Variants in SYNJ1 observed in about 807,000 individuals in gnomAD.
SYNJ1 encodes polyphosphatidylinositol phosphatase SYNJ1.
In SYNJ1, 78 loss-of-function variants were observed where a neutral mutation model predicts 168.2. The observed-to-expected ratio is 0.46, with a 90% CI of 0.39 to 0.56. The LOEUF is 0.56. SYNJ1 is among the 20% of genes least tolerant of loss of function. SYNJ1 has a pLI of 0.00. For missense variants in SYNJ1, 1,303 were observed against 1,597.6 expected (o/e 0.82, Z 3.14); for synonymous variants, 539 against 548.6 (o/e 0.98, Z 0.24).
intron 2 of SYNJ1, among the ~76,000 whole-genome samples, chr21:32,708,187 T>C (rs1228114481): frequency 6.6e-6 from 1 of 152,214 alleles, no homozygotes; most frequent in African/African-American, 2.4e-5. Flanking sequence ...AAATGGTTGC[T>C]AACTAGGGTT....
Position 32,650,337 on chromosome 21 carries a change from G to A in SYNJ1, c.2884C>T (p.Arg962Trp), listed in dbSNP as rs149147152. The A allele has an allele frequency of 3.4e-5, 54 of 1,604,314 alleles. No individual in the cohort carries two copies. The highest frequency in any genetic ancestry group is 7.0e-5 in the Admixed American group (4 of 57,378). ...CTTTTTAAAGCAATAGTTATAGTCCGATTCAATAACTAGCGGAGTAAAAGA... is the reference window on the plus strand; with the variant it reads ...CTTTTTAAAGCAATAGTTATAGTCCAATTCAATAACTAGCGGAGTAAAAGA... ...LSLNGKELLN[R>W]TITIALKSPD... The change falls in exon 23 of 33, where the codon CGG (arginine) becomes TGG (tryptophan). Residue 962 changes from arginine to tryptophan, a missense_variant. By Grantham distance (101) the Arg-to-Trp change is moderately radical (BLOSUM62 -3). Transcript: ENST00000674351.
In SYNJ1 at chr21:32,639,036, G is replaced by A. The variant is rs779188682; in HGVS notation, c.3787C>T (p.Pro1263Ser). 3.7e-6 allele frequency: 6 copies of A among 1,613,958 alleles called. No homozygotes were observed. Among genetic ancestry groups the A allele is most frequent in the Non-Finnish European group, 3.4e-6 (4 of 1,179,954 alleles). Residue 1263 changes from proline (P) to serine (S), a missense_variant, in exon 31 of 33, where the codon CCT (proline) becomes TCT (serine). Pro to Ser is a moderately conservative substitution (Grantham distance 74). Around this residue, in one of 2 missense-constraint regions of SYNJ1, gnomAD observed 383 missense variants for 388.8 expected, o/e 0.99. Transcript: ENST00000674351. Reference sequence around the variant, plus strand: ...ATAGGTGCTGCCACAGGGACAAGAGGCTCTTGCAACCTTTGAGCAGGCGGG... The same window carrying A: ...ATAGGTGCTGCCACAGGGACAAGAGACTCTTGCAACCTTTGAGCAGGCGGG... ...LPPPAQRLQE[P>S]LVPVAAPMPQ... is the part of the protein sequence containing the mutation.
At chr21:32,726,497 T>C (rs2043460720) in intron 2 of SYNJ1, among the ~76,000 whole-genome samples, 1 of 152,164 alleles carries the variant, frequency 6.6e-6, no homozygotes, top group Non-Finnish European at 1.5e-5. Flanking sequence ...ACAATATTTC[T>C]TTGGAAAAAA....
chr21:32,703,923 G>A (rs767914306), intron 2 of SYNJ1, among the ~76,000 whole-genome samples: 4 of 151,798 alleles, frequency 2.6e-5, no homozygotes, highest in African/African-American at 7.3e-5. Context: ...GTTTCTCTAC[G>A]TTGCCCAGGC....
Position 32,634,897 on chromosome 21 carries a change from A to C in SYNJ1, c.3916-13T>G. 1 of 1,613,768 alleles carries C rather than the reference A, an allele frequency of 6.2e-7. No homozygotes were observed. Among genetic ancestry groups the C allele is most frequent in the Non-Finnish European group, 8.5e-7 (1 of 1,179,872 alleles). On this transcript the variant is annotated splice_polypyrimidine_tract_variant and intron_variant, in intron 31 of 32. Transcript: ENST00000674351. ...ATGGTTGCTCCTGCTTTGAGAAAGGAAACAGACATCAAAGGAAAGAGTTAG... is the reference window on the plus strand; with the variant it reads ...ATGGTTGCTCCTGCTTTGAGAAAGGCAACAGACATCAAAGGAAAGAGTTAG...
chr21:32,673,475 T>C lies in SYNJ1; in HGVS notation c.1591A>G (p.Lys531Glu). 1 of 1,613,510 alleles carries C rather than the reference T, an allele frequency of 6.2e-7. No homozygotes were observed. Among genetic ancestry groups the C allele is most frequent in the Non-Finnish European group, 8.5e-7 (1 of 1,179,730 alleles). The change falls in exon 14 of 33, where the codon AAG becomes GAG. Residue 531 changes from lysine (K) to glutamate (E), a missense_variant. Physicochemically the swap from Lys to Glu is moderately conservative, Grantham distance 56. This residue lies in a region of SYNJ1 where 920 missense variants were observed against 1,208.8 expected (regional missense o/e 0.76). Transcript: ENST00000674351. ...GTTCCGACACATACTCGAATTTTCT[T>C]AGGCTTTGAATATTTGTAGAAATTC... ...CENFYKYSKP[K>E]KIRVCVGTWN...
intron 2 of SYNJ1, among the ~76,000 whole-genome samples, chr21:32,722,206 ATATATATAT>A (rs1279421990): frequency 3.8e-4 from 18 of 46,916 alleles, no homozygotes; most frequent in Middle Eastern, 9.4e-3. Flanking sequence ...AAAAAAAAAA[ATATATATAT>A]ATATATATAT....
In SYNJ1 at chr21:32,695,644, T is replaced by C. The variant is rs530450388; in HGVS notation, c.480-362A>G. 4.1e-5 allele frequency among the ~76,000 whole-genome samples: 6 copies of C among 147,520 alleles called. No homozygotes were observed. In the South Asian group the frequency reaches 1.3e-3, roughly 31 times the overall value. ...TACTTTTTAAAAAAATATTTATTTA[T>C]TTATTTATTTATTTATTTATTTATT... On this transcript the variant is annotated intron_variant, in intron 4 of 32. Coordinates refer to ENST00000674351, the MANE Select transcript of SYNJ1 (RefSeq NM_203446.3).
rs844978 is a variant in SYNJ1 at position 32,646,127 on chromosome 21, C to T, written c.3247+266G>A. 0.53 allele frequency: 349,010 copies of T among 662,608 alleles called. 93,685 individuals carry two copies. The highest frequency in any genetic ancestry group is 0.68 in the African/African-American group (38,166 of 56,152). The allele number at this position is 662,608 out of a possible 1,614,324, so 41.0% of individuals were successfully genotyped here. On this transcript the variant is annotated intron_variant, in intron 24 of 32. Coordinates refer to ENST00000674351, the MANE Select transcript of SYNJ1 (RefSeq NM_203446.3). ...GAGAAGAAAAAGCTCAAATAGTTAA[C>T]GGGTTCATACCATAGAAAATCATCA...
Position 32,699,894 on chromosome 21 carries a change from C to A in SYNJ1, c.423G>T (p.Leu141Phe). 4 of 1,614,082 alleles carry A rather than the reference C, an allele frequency of 2.5e-6. No individual in the cohort carries two copies. The highest frequency in any genetic ancestry group is 3.4e-6 in the Non-Finnish European group (4 of 1,180,004). Residue 141 changes from leucine (L) to phenylalanine (F), a missense_variant, in exon 4 of 33, where the codon TTG becomes TTT. Physicochemically the swap from Leu to Phe is conservative, Grantham distance 22. Transcript: ENST00000674351. ...AWSASGISLD[L>F]SLNAHRSMQE... is the part of the protein sequence containing the mutation. ...GCATGCTACGATGCGCATTAAGACTCAAATCTAAACTGATGCCAGATGCAG... is the reference window on the plus strand; with the variant it reads ...GCATGCTACGATGCGCATTAAGACTAAAATCTAAACTGATGCCAGATGCAG...
chr21:32,659,966 C>T (rs1012870406), intron 18 of SYNJ1, among the ~76,000 whole-genome samples: 12 of 152,208 alleles, frequency 7.9e-5, no homozygotes, highest in African/African-American at 2.2e-4. Flanking sequence ...AGAGCACTTC[C>T]GGGTAGGTAA....
chr21:32,726,769 T>TA lies in SYNJ1; in HGVS notation c.124+2dup. On this transcript the variant is annotated splice_region_variant and intron_variant, in intron 2 of 32. Transcript: ENST00000674351. ...ACAAATTGGGCTCTAACAGATGACT[T>TA]ACAGAGCACAGCGACAGCCCCAGAC... The TA allele has an allele frequency of 1.2e-6, 2 of 1,614,116 alleles. No homozygotes were observed.
chr21:32,661,993 C>T (rs1186211171), intron 18 of SYNJ1, among the ~76,000 whole-genome samples: 2 of 152,176 alleles, frequency 1.3e-5, no homozygotes, highest in Admixed American at 6.5e-5. Flanking sequence ...AGGACTGGAA[C>T]GTAGTCCCTT....
chr21:32,692,394 T>C (rs994940278), intron 6 of SYNJ1, among the ~76,000 whole-genome samples: 2 of 151,920 alleles, frequency 1.3e-5, no homozygotes, highest in Admixed American at 6.6e-5. Flanking sequence ...CTGGTCAATA[T>C]GGTGAAACCC....
intron 9 of SYNJ1, 91 bp downstream of exon 9, chr21:32,685,657 A>T: frequency 1.1e-6 from 1 of 886,412 alleles, no homozygotes; most frequent in Non-Finnish European, 1.5e-6. Flanking sequence ...TATAAACTTT[A>T]ATTTTAAAAA....
intron 2 of SYNJ1, among the ~76,000 whole-genome samples, chr21:32,716,360 C>G (rs1337297175): frequency 6.6e-6 from 1 of 152,142 alleles, no homozygotes; most frequent in African/African-American, 2.4e-5. Flanking sequence ...ATAATTAGCT[C>G]ATATTTTTTC....
intron 11 of SYNJ1, among the ~76,000 whole-genome samples, chr21:32,680,469 AT>A (rs2041577768): frequency 6.6e-6 from 1 of 152,204 alleles, no homozygotes; most frequent in South Asian, 2.1e-4. Flanking sequence ...GTTAAACAAT[AT>A]TTAAGAATAT....
chr21:32,685,029 A>C (rs973336008), intron 9 of SYNJ1, among the ~76,000 whole-genome samples: 9 of 151,788 alleles, frequency 5.9e-5, no homozygotes, highest in Non-Finnish European at 4.4e-5. Context: ...AATACAAAAA[A>C]AAAACAGCCG....
At chr21:32,699,721 G>A (rs1176469842) in intron 4 of SYNJ1, 117 bp downstream of exon 4, 16 of 1,259,570 alleles carry the variant, frequency 1.3e-5, no homozygotes, top group East Asian at 9.7e-5. Context: ...AAGGGGCATC[G>A]AGGGTCTTCA....
Sources: gnomAD v4.1 joint callset for allele counts (sites outside exome capture counted in the v4.1 genomes callset) on GRCh38, gnomAD v4.1.1 for gene constraint, gnomAD v4.1.1 regional missense constraint, MANE v1.5 for transcripts, NCBI Gene and HGNC (gene_info 2026-07-23, HGNC 2026-07-21) for gene names.